ICA1L: variants seen among roughly 807,000 people sequenced by gnomAD.
ICA1L encodes islet cell autoantigen 1 like, also known as islet cell autoantigen 1-like protein.
A neutral mutation model predicts 61.3 loss-of-function variants in ICA1L; 50 were observed. That is an observed-to-expected ratio of 0.82 (90% CI 0.65 to 1.03). ICA1L has a LOEUF of 1.03. Among genes scored for constraint, ICA1L ranks in the 50% least tolerant of loss-of-function variants. The pLI is 0.00. For synonymous variants in ICA1L, 161 were observed against 191.3 expected (o/e 0.84, Z 1.31); for missense variants, 508 against 556.7 (o/e 0.91, Z 0.88).
chr2:202,831,720 G>A (rs1233919228), intron 1 of ICA1L, among the ~76,000 whole-genome samples: 3 of 152,152 alleles, frequency 2.0e-5, no homozygotes, highest in Non-Finnish European at 4.4e-5. Context: ...TGCCTGCAGA[G>A]GGCACACGTT....
At position 202,788,823 on chromosome 2, in the gene ICA1L, C is replaced by T; in HGVS notation, c.1243+7G>A. 6.2e-7 allele frequency: 1 copy of T among 1,613,828 alleles called. No individual in the cohort carries two copies. The highest frequency in any genetic ancestry group is 8.5e-7 in the Non-Finnish European group (1 of 1,179,910). On this transcript the variant is annotated splice_region_variant and intron_variant, in intron 11 of 12. Transcript: ENST00000358299. ...CACATATGTCCAAATGTTTCATAGACACTTACTGTTGAACGCTCCAGCCAC... is the reference window on the plus strand; with the variant it reads ...CACATATGTCCAAATGTTTCATAGATACTTACTGTTGAACGCTCCAGCCAC...
chr2:202,809,366 T>C (rs1390590093), intron 9 of ICA1L, among the ~76,000 whole-genome samples: 1 of 151,670 alleles, frequency 6.6e-6, no homozygotes, highest in Non-Finnish European at 1.5e-5. Context: ...GAAAAGAGAA[T>C]AGGCCAGGTG....
At chr2:202,800,156 C>G (rs1278375090) in intron 9 of ICA1L, among the ~76,000 whole-genome samples, 1 of 152,036 alleles carries the variant, frequency 6.6e-6, no homozygotes, top group Non-Finnish European at 1.5e-5. Context: ...GCTGGGATTA[C>G]AAGTGTGAGC....
intron 10 of ICA1L, among the ~76,000 whole-genome samples, chr2:202,794,839 A>C (rs1007590414): frequency 1.4e-4 from 22 of 152,152 alleles, no homozygotes; most frequent in Non-Finnish European, 2.8e-4. Context: ...AGTAAACTTT[A>C]ACAAATGGAA....
intron 1 of ICA1L, among the ~76,000 whole-genome samples, chr2:202,830,401 C>T (rs944225930): frequency 2.0e-5 from 3 of 151,628 alleles, no homozygotes; most frequent in Non-Finnish European, 2.9e-5. Context: ...AGCGAGACTC[C>T]GTCTCAAAAA....
chr2:202,781,532 C>G (rs187395949), intron 12 of ICA1L, among the ~76,000 whole-genome samples: 1 of 151,046 alleles, frequency 6.6e-6, no homozygotes, highest in Admixed American at 6.6e-5. Context: ...CAAGATTGCA[C>G]CACTGCACTC....
intron 12 of ICA1L, among the ~76,000 whole-genome samples, chr2:202,781,238 G>A (rs894568886): frequency 6.6e-6 from 1 of 152,060 alleles, no homozygotes; most frequent in Non-Finnish European, 1.5e-5. Context: ...TAAACATAAT[G>A]TTCATAAAGT....
Position 202,776,809 on chromosome 2 carries a change from A to G in ICA1L, c.*2724T>C, listed in dbSNP as rs1319814210. 6.6e-6 allele frequency: 1 copy of G among 152,198 alleles called. No individual in the cohort carries two copies. The highest frequency in any genetic ancestry group is 2.4e-5 in the African/African-American group (1 of 41,442). 9.4% of individuals were successfully genotyped at this position (152,198 alleles called of 1,614,324 possible). ...AAATGTTATAGAAACTAGTAACAGAATAATAAAAGTCCCTTGTATGTCTCC... is the reference window on the plus strand; with the variant it reads ...AAATGTTATAGAAACTAGTAACAGAGTAATAAAAGTCCCTTGTATGTCTCC... On this transcript the variant is annotated 3_prime_UTR_variant, in exon 13 of 13. Coordinates refer to ENST00000358299, the MANE Select transcript of ICA1L (RefSeq NM_001288622.3).
At chr2:202,825,402 G>A (rs1693813837) in intron 3 of ICA1L, 1 of 422,184 alleles carries the variant, frequency 2.4e-6, no homozygotes, top group Non-Finnish European at 3.5e-6. Context: ...CCCAGGTGGT[G>A]GAGACTGTAG....
At chr2:202,800,894 A>G (rs1357130396) in intron 9 of ICA1L, among the ~76,000 whole-genome samples, 1 of 152,218 alleles carries the variant, frequency 6.6e-6, no homozygotes, top group Admixed American at 6.5e-5. Context: ...TAACCTTAAG[A>G]TAAGGAAGCT....
chr2:202,838,005 C>G (rs1199167686), intron 1 of ICA1L, among the ~76,000 whole-genome samples: 1 of 152,044 alleles, frequency 6.6e-6, no homozygotes, highest in East Asian at 1.9e-4. Context: ...AGGCGCCCAC[C>G]ACCACGCCTG....
At chr2:202,854,855 G>A (rs553077803) in intron 1 of ICA1L, among the ~76,000 whole-genome samples, 25 of 152,082 alleles carry the variant, frequency 1.6e-4, no homozygotes, top group Admixed American at 2.6e-4. Context: ...GTGAAACCCC[G>A]TCTCTACTAA....
rs553911248 is a variant in ICA1L at position 202,773,962 on chromosome 2, C to T, written c.*5571G>A. 45 of 1,057,500 alleles carry T rather than the reference C, an allele frequency of 4.3e-5. No individual in the cohort carries two copies. The African/African-American group carries it at 6.1e-4, about 14-fold the overall frequency. The allele number at this position is 1,057,500 out of a possible 1,614,324, so 65.5% of individuals were successfully genotyped here. A position where few individuals can be genotyped will look rare whatever the true frequency, so the allele number is the denominator to read the frequency against. On this transcript the variant is annotated 3_prime_UTR_variant, in exon 13 of 13. Coordinates refer to ENST00000358299, the MANE Select transcript of ICA1L (RefSeq NM_001288622.3). ...CTTCTCTTCCGCTTATTACTTGCCA[C>T]TGTGTTTTAAAAGGTATATGGTACT...
At chr2:202,861,401 CAAAAAAAA>C (rs61240847) in intron 1 of ICA1L, among the ~76,000 whole-genome samples, 4 of 21,734 alleles carry the variant, frequency 1.8e-4, no homozygotes, top group African/African-American at 2.5e-4. Flanking sequence ...GAGACTATCT[CAAAAAAAA>C]AAAAAAAAAA....
chr2:202,870,905 T>C lies in ICA1L; in HGVS notation c.-8+714A>G, dbSNP rs750045231. 4 of 152,170 alleles carry C rather than the reference T, an allele frequency of 2.6e-5. No individual in the cohort carries two copies. The South Asian group carries it at 8.3e-4, about 32-fold the overall frequency. The allele number at this position is 152,170 out of a possible 1,614,324, so 9.4% of individuals were successfully genotyped here. A position where few individuals can be genotyped will look rare whatever the true frequency, so the allele number is the denominator to read the frequency against. ...TCCCCTCTCCGTCTTCCTTAGAGCA[T>C]CAGGTATCTGACCACTGACATCACC... On this transcript the variant is annotated intron_variant, in intron 1 of 12. Coordinates refer to ENST00000358299, the MANE Select transcript of ICA1L (RefSeq NM_001288622.3).
rs1475743152 is a variant in ICA1L at position 202,789,060 on chromosome 2, A to G, written c.1013T>C (p.Leu338Ser). 3.7e-6 allele frequency: 6 copies of G among 1,612,762 alleles called. No homozygotes were observed. In the Admixed American group the frequency reaches 1.0e-4, roughly 27 times the overall value. Residue 338 changes from leucine to serine, a missense_variant, in exon 11 of 13, where the codon TTG (leucine) becomes TCG (serine). Transcript: ENST00000358299. ...TTCCTTCTCAAAATCTTCTCCTTCCAATGAATCTACAGGTAGATCTTTTGC... is the reference window on the plus strand; with the variant it reads ...TTCCTTCTCAAAATCTTCTCCTTCCGATGAATCTACAGGTAGATCTTTTGC... ...NVAKDLPVDS[L>S]EGEDFEKEFS...
At chr2:202,840,843 C>T (rs1431579093) in intron 1 of ICA1L, 5 of 624,182 alleles carry the variant, frequency 8.0e-6, no homozygotes, top group Admixed American at 4.0e-5. Flanking sequence ...AGCTGGCTGA[C>T]GTTCTGGTTC....
chr2:202,811,618 C>T (rs879292743), intron 9 of ICA1L, 128 bp downstream of exon 9: 34 of 618,654 alleles, frequency 5.5e-5, no homozygotes, highest in Non-Finnish European at 8.6e-5. Flanking sequence ...GCCAAGATCA[C>T]GCAACTGCAC....
At chr2:202,843,757 G>A (rs1023378630) in intron 1 of ICA1L, among the ~76,000 whole-genome samples, 1 of 152,220 alleles carries the variant, frequency 6.6e-6, no homozygotes, top group Non-Finnish European at 1.5e-5. Flanking sequence ...GTAGCTCTAG[G>A]ATTGGGGTAA....
Sources: allele counts gnomAD v4.1 joint callset (sites outside exome capture counted in the v4.1 genomes callset), GRCh38; gene constraint gnomAD v4.1.1; transcripts MANE v1.5; gene names NCBI Gene and HGNC (gene_info 2026-07-23, HGNC 2026-07-21).